Variants in DGKH observed in about 807,000 individuals in gnomAD.
DGKH encodes the protein DAG kinase eta.
DGKH carries 90 observed loss-of-function variants against 159.3 expected under a neutral mutation model. The ratio of observed to expected loss-of-function variants is 0.57; its 90% confidence interval spans 0.48 to 0.67. The LOEUF (loss-of-function observed/expected upper bound fraction) is 0.67. Among genes scored for constraint, DGKH ranks in the 30% least tolerant of loss-of-function variants. DGKH has a pLI of 0.00. For synonymous variants in DGKH, 536 were observed against 553.8 expected (o/e 0.97, Z 0.45); for missense variants, 1,181 against 1,506.1 (o/e 0.78, Z 3.57).
intron 12 of DGKH, among the ~76,000 whole-genome samples, chr13:42,176,891 T>G (rs1262242814): frequency 6.6e-6 from 1 of 152,222 alleles, no homozygotes; most frequent in Non-Finnish European, 1.5e-5. Flanking sequence ...GTGCACATTT[T>G]TACATATTAG....
intron 1 of DGKH, among the ~76,000 whole-genome samples, chr13:42,041,081 GCTC>G (rs1249811016): frequency 6.6e-6 from 1 of 152,086 alleles, no homozygotes; most frequent in African/African-American, 2.4e-5. Context: ...CGCCGCCCGG[GCTC>G]CTCCTCGCGC....
At chr13:42,120,627 C>G (rs1216539002) in intron 1 of DGKH, among the ~76,000 whole-genome samples, 2 of 152,068 alleles carry the variant, frequency 1.3e-5, no homozygotes, top group Non-Finnish European at 2.9e-5. Flanking sequence ...TTATTTGTTA[C>G]CCATAACCAT....
intron 19 of DGKH, 36 bp downstream of exon 19, chr13:42,199,712 A>G: frequency 6.4e-7 from 1 of 1,562,792 alleles, no homozygotes; most frequent in Non-Finnish European, 8.7e-7. Flanking sequence ...TATTACATAA[A>G]GGCAATTTTT....
intron 17 of DGKH, among the ~76,000 whole-genome samples, chr13:42,197,218 C>T (rs1263003444): frequency 8.4e-6 from 1 of 118,860 alleles, no homozygotes; most frequent in Non-Finnish European, 1.9e-5. Flanking sequence ...CTACTATACT[C>T]CAGCCTGGGC....
At chr13:42,159,140 A>G (rs1956112605) in intron 5 of DGKH, 126 bp from the exon 6 acceptor site, 2 of 564,946 alleles carry the variant, frequency 3.5e-6, no homozygotes, top group Non-Finnish European at 6.1e-6. Context: ...AATCTTTTAA[A>G]TATATTTGTT....
chr13:42,165,366 A>G lies in DGKH; in HGVS notation c.891A>G (p.Ile297Met), dbSNP rs1460112150. ...HTACKDLYHP[I>M]CPLGQCKVSI... ...CCTGCAAAGATTTATACCATCCAAT[A>G]TGTCCACTTGGTCAATGTAAAGTAT... is the stretch of plus-strand genomic sequence containing the variant. Residue 297 changes from isoleucine to methionine, a missense_variant, in exon 8 of 30, where the codon ATA becomes ATG. Ile to Met is a conservative substitution (Grantham distance 10). This residue lies in a region of DGKH where 369 missense variants were observed against 519.4 expected (regional missense o/e 0.71). Transcript: ENST00000337343. 2 of 1,590,192 alleles carry G rather than the reference A, an allele frequency of 1.3e-6. No homozygotes were observed. Among genetic ancestry groups the G allele is most frequent in the Non-Finnish European group, 1.7e-6 (2 of 1,170,496 alleles).
intron 1 of DGKH, among the ~76,000 whole-genome samples, chr13:42,105,379 A>G (rs1594033884): frequency 2.0e-5 from 3 of 152,116 alleles, no homozygotes; most frequent in Non-Finnish European, 4.4e-5. Context: ...TGACCCAGAC[A>G]CCTCTCATTA....
rs185413448 is a variant in DGKH at position 42,138,749 on chromosome 13, G to A, written c.384+9117G>A. Reference sequence around the variant, plus strand: ...TTCTTGCCTTTCATTAATCATTGCAGTGGTCCCACCTTTGCTTACATAATT... The same window carrying A: ...TTCTTGCCTTTCATTAATCATTGCAATGGTCCCACCTTTGCTTACATAATT... On this transcript the variant is annotated intron_variant, in intron 3 of 29. Coordinates refer to ENST00000337343, the MANE Select transcript of DGKH (RefSeq NM_178009.5). Among the ~76,000 whole-genome samples the A allele has an allele frequency of 1.1e-4, 16 of 152,204 alleles. No homozygotes were observed. The East Asian group carries it at 3.1e-3, about 29-fold the overall frequency.
At chr13:42,134,759 T>C (rs941463427) in intron 3 of DGKH, among the ~76,000 whole-genome samples, 3 of 152,242 alleles carry the variant, frequency 2.0e-5, no homozygotes, top group African/African-American at 7.2e-5. Context: ...TCCCAGCACT[T>C]TGGGAGGCCC....
intron 15 of DGKH, 119 bp from the exon 16 acceptor site, chr13:42,190,284 A>T (rs1957029071): frequency 4.0e-6 from 5 of 1,247,726 alleles, no homozygotes; most frequent in South Asian, 1.5e-5. Context: ...AATAGTGTTT[A>T]TTTGTGAATC....
intron 1 of DGKH, among the ~76,000 whole-genome samples, chr13:42,123,460 T>C (rs1269926555): frequency 1.3e-5 from 2 of 152,070 alleles, no homozygotes; most frequent in East Asian, 3.9e-4. Flanking sequence ...AGATTTGACA[T>C]GATTCATAAA....
intron 1 of DGKH, among the ~76,000 whole-genome samples, chr13:42,102,400 C>T (rs1036457073): frequency 2.0e-5 from 3 of 152,240 alleles, no homozygotes; most frequent in African/African-American, 7.2e-5. Context: ...AGTGGCCCCA[C>T]TCAAGAGTCC....
At chr13:42,255,208 G>C (rs980227237) in intron 30 of DGKH, among the ~76,000 whole-genome samples, 2 of 151,146 alleles carry the variant, frequency 1.3e-5, no homozygotes, top group South Asian at 4.2e-4. Context: ...TTAATCTTTT[G>C]TACATTATGA....
chr13:42,225,123 G>C (rs1054378797), intron 29 of DGKH, among the ~76,000 whole-genome samples: 1 of 152,066 alleles, frequency 6.6e-6, no homozygotes, highest in Non-Finnish European at 1.5e-5. Context: ...GGGTCTTGCT[G>C]TGTTGTCCAG....
intron 1 of DGKH, among the ~76,000 whole-genome samples, chr13:42,061,054 A>T (rs189622048): frequency 2.4e-4 from 36 of 152,036 alleles, no homozygotes; most frequent in African/African-American, 8.5e-4. Context: ...AACTTCCTCC[A>T]TAGAGGAAGG....
chr13:42,108,573 CAT>C (rs1954805114), intron 1 of DGKH, among the ~76,000 whole-genome samples: 1 of 152,166 alleles, frequency 6.6e-6, no homozygotes, highest in Non-Finnish European at 1.5e-5. Context: ...TAAACTAAGA[CAT>C]GTGTTACGTG....
At chr13:42,249,468 C>T (rs891396529) in intron 29 of DGKH, among the ~76,000 whole-genome samples, 1 of 131,936 alleles carries the variant, frequency 7.6e-6, no homozygotes, top group East Asian at 2.0e-4. Flanking sequence ...CTGATTGCAA[C>T]CTATTAAACT....
intron 29 of DGKH, among the ~76,000 whole-genome samples, chr13:42,249,309 A>G (rs995692659): frequency 3.3e-5 from 5 of 152,132 alleles, no homozygotes; most frequent in Admixed American, 2.6e-4. Context: ...GGGAGGACCA[A>G]TTGAGCCTGG....
rs1159270405 is a variant in DGKH, at chr13:42,209,384, G to A, written c.2769G>A (p.Val923=). 2.5e-6 allele frequency: 4 copies of A among 1,613,768 alleles called. No homozygotes were observed. Among genetic ancestry groups the A allele is most frequent in the East Asian group, 2.2e-5 (1 of 44,864 alleles). ...GTGACGAAGGAGTCCCAGTGCAAGT[G>A]GATGGTGAAGCGTGGGTTCAGCCTC... The part of the protein sequence containing the change: ...IFGDEGVPVQ[V]DGEAWVQPPG... The change falls in exon 23 of 30, where the codon GTG becomes GTA. Residue 923 remains valine, a synonymous_variant. Coordinates refer to ENST00000337343, the MANE Select transcript of DGKH (RefSeq NM_178009.5).
Sources: allele counts gnomAD v4.1 joint callset (sites outside exome capture counted in the v4.1 genomes callset), GRCh38; gene constraint gnomAD v4.1.1; regional missense constraint gnomAD v4.1.1; transcripts MANE v1.5; gene names NCBI Gene and HGNC (gene_info 2026-07-23, HGNC 2026-07-21).